Variants in TBC1D19 observed in about 807,000 individuals in gnomAD.
TBC1D19 encodes TBC1 domain family, member 19.
Under a neutral mutation model 89.0 loss-of-function variants are expected in TBC1D19, and 60 were observed. That is an observed-to-expected ratio of 0.67 (90% confidence interval 0.55 to 0.84). The LOEUF (loss-of-function observed/expected upper bound fraction) is 0.84, where lower values mean the gene tolerates loss of function less well. Among genes scored for constraint, TBC1D19 ranks in the 40% least tolerant of loss-of-function variants. The pLI, the probability that TBC1D19 is intolerant of heterozygous loss-of-function variation, is 0.00. For missense variants in TBC1D19, 500 were observed against 610.8 expected, an observed-to-expected ratio of 0.82 and a Z score of 1.91; for synonymous variants, 189 against 199.7, an observed-to-expected ratio of 0.95 and a Z score of 0.45.
At chr4:26,672,241 TA>T in intron 10 of TBC1D19, 54 bp downstream of exon 10, 1 of 1,263,852 alleles carries the variant, frequency 7.9e-7, no homozygotes, top group East Asian at 6.2e-5. Context: ...CAGTCCCAGC[TA>T]AATGTCTGCC....
the TBC1D19 span, among the ~76,000 whole-genome samples, chr4:26,800,502 A>G: frequency 9.9e-5 from 15 of 152,162 alleles, no homozygotes; most frequent in African/African-American, 3.6e-4. Context: ...ATGATTTATA[A>G]TCCTTTGGGT....
chr4:26,598,554 C>T (rs1441592596), intron 1 of TBC1D19, among the ~76,000 whole-genome samples: 2 of 152,182 alleles, frequency 1.3e-5, no homozygotes, highest in Admixed American at 1.3e-4. Context: ...GCCACCACGC[C>T]CAGCTAATTT....
intron 8 of TBC1D19, among the ~76,000 whole-genome samples, chr4:26,662,355 C>T (rs374831746): frequency 9.2e-5 from 14 of 151,880 alleles, no homozygotes; most frequent in African/African-American, 1.9e-4. Flanking sequence ...AAATACATAT[C>T]AATAGATGAG....
the TBC1D19 span, among the ~76,000 whole-genome samples, chr4:26,795,768 A>T: frequency 6.6e-6 from 1 of 152,232 alleles, no homozygotes; most frequent in Non-Finnish European, 1.5e-5. Context: ...CTTGGAAGTT[A>T]TGTGGAAAAG....
chr4:26,742,623 G>A, intron 18 of TBC1D19, 24 bp downstream of exon 18: 3 of 1,585,800 alleles, frequency 1.9e-6, no homozygotes, highest in Non-Finnish European at 2.6e-6. Flanking sequence ...TCTCCTAATT[G>A]AAGAATAGAT....
intron 13 of TBC1D19, among the ~76,000 whole-genome samples, chr4:26,690,902 G>A (rs1247261027): frequency 3.9e-5 from 6 of 152,194 alleles, no homozygotes; most frequent in Non-Finnish European, 8.8e-5. Context: ...AGGCTATATA[G>A]TGTCATAGAT....
chr4:26,803,945 AAG>A, the TBC1D19 span, among the ~76,000 whole-genome samples: 8 of 151,916 alleles, frequency 5.3e-5, no homozygotes, highest in Admixed American at 1.3e-4. Context: ...GGAGGTAGGA[AAG>A]AGGGAATTTT....
chr4:26,644,359 G>A (rs751233811), intron 7 of TBC1D19, among the ~76,000 whole-genome samples: 1 of 152,098 alleles, frequency 6.6e-6, no homozygotes, highest in Non-Finnish European at 1.5e-5. Context: ...AAAGGCCTTC[G>A]ACAAAATTCA....
At chr4:26,637,538 A>G (rs1016435418) in intron 5 of TBC1D19, among the ~76,000 whole-genome samples, 1 of 151,880 alleles carries the variant, frequency 6.6e-6, no homozygotes, top group Non-Finnish European at 1.5e-5. Flanking sequence ...GGTCTGGCTA[A>G]TTTTTTTGTA....
intron 1 of TBC1D19, among the ~76,000 whole-genome samples, chr4:26,604,884 A>AAATAAT (rs148779244): frequency 1.3e-4 from 19 of 149,710 alleles, no homozygotes; most frequent in Middle Eastern, 3.4e-3. Context: ...AATCCATCTC[A>AAATAAT]AATAATAATA....
Position 26,695,155 on chromosome 4 carries a change from T to G in TBC1D19, c.954+6748T>G, listed in dbSNP as rs930939470. Among the ~76,000 whole-genome samples the G allele has an allele frequency of 2.0e-5, 3 of 152,120 alleles. No homozygotes were observed. In the East Asian group the frequency reaches 5.8e-4, roughly 29 times the overall value. On this transcript the variant is annotated intron_variant, in intron 13 of 20. Transcript: ENST00000264866. ...AACTAGAATAACCACTGTAGAGAAG[T>G]ACGTAAGTGACCTGATGGAGCTGAA...
the TBC1D19 span, among the ~76,000 whole-genome samples, chr4:26,793,678 G>A: frequency 6.5e-5 from 9 of 139,526 alleles, no homozygotes; most frequent in East Asian, 1.9e-3. Flanking sequence ...AGCAGAGATC[G>A]CACCACTGCA....
chr4:26,673,442 T>TACACACACACACACACACACAC (rs1167477111), intron 10 of TBC1D19, among the ~76,000 whole-genome samples: 2 of 14,672 alleles, frequency 1.4e-4, no homozygotes, highest in African/African-American at 2.1e-4. Context: ...TATATATATA[T>TACACACACACACACACACACAC]ATATACACAC....
At chr4:26,800,017 T>G in the TBC1D19 span, among the ~76,000 whole-genome samples, 1 of 152,156 alleles carries the variant, frequency 6.6e-6, no homozygotes, top group Non-Finnish European at 1.5e-5. Flanking sequence ...AATTTTATTA[T>G]TATCATACTT....
At chr4:26,831,778 A>G in the TBC1D19 span, among the ~76,000 whole-genome samples, 5 of 151,690 alleles carry the variant, frequency 3.3e-5, no homozygotes, top group South Asian at 1.0e-3. Context: ...TTTTTAGTAG[A>G]GACGGGGTTT....
chr4:26,808,742 A>AG, the TBC1D19 span, among the ~76,000 whole-genome samples: 5,799 of 150,396 alleles, frequency 0.039, 413 homozygotes, highest in African/African-American at 0.14. Flanking sequence ...AAAAAAAAAA[A>AG]AAAAGAAAAA....
chr4:26,707,548 G>A (rs904075027), intron 13 of TBC1D19, among the ~76,000 whole-genome samples: 1 of 151,892 alleles, frequency 6.6e-6, no homozygotes, highest in African/African-American at 2.4e-5. Flanking sequence ...CTGATGAGGA[G>A]ATATTTCTCT....
intron 1 of TBC1D19, among the ~76,000 whole-genome samples, chr4:26,612,923 G>A (rs1463092254): frequency 2.0e-5 from 3 of 151,926 alleles, no homozygotes; most frequent in Non-Finnish European, 4.4e-5. Context: ...CTCCAAGTTT[G>A]TATAGTTTTA....
chr4:26,793,523 G>A, the TBC1D19 span, among the ~76,000 whole-genome samples: 3 of 151,872 alleles, frequency 2.0e-5, no homozygotes, highest in Non-Finnish European at 4.4e-5. Context: ...TCAGGAGTTC[G>A]AGACCAGCCT....
Sources: allele counts gnomAD v4.1 joint callset (sites outside exome capture counted in the v4.1 genomes callset), GRCh38; gene constraint gnomAD v4.1.1; transcripts MANE v1.5; gene names NCBI Gene and HGNC (gene_info 2026-07-23, HGNC 2026-07-21).